Variants in PDK2 observed in about 807,000 individuals in gnomAD.
The protein encoded by PDK2 is pyruvate dehydrogenase kinase 2, also known as pyruvate dehydrogenase kinase, isozyme 2.
A neutral mutation model predicts 50.4 loss-of-function variants in PDK2; 34 were observed. That is an observed-to-expected ratio of 0.68 (90% CI 0.51 to 0.90). PDK2 has a LOEUF of 0.90. Ranked by LOEUF, PDK2 falls within the 40% of genes least tolerant of loss-of-function variation. PDK2 has a pLI of 0.00. For synonymous variants in PDK2, 232 were observed against 216.0 expected (o/e 1.07, Z -0.65); for missense variants, 377 against 544.5 (o/e 0.69, Z 3.06).
chr17:50,109,832 C>A lies in PDK2; in HGVS notation c.1084-125C>A. The A allele has an allele frequency of 9.2e-7, 1 of 1,081,216 alleles. No homozygotes were observed. The highest frequency in any genetic ancestry group is 1.3e-6 in the Non-Finnish European group (1 of 778,078). The allele number at this position is 1,081,216 out of a possible 1,614,324, so 67.0% of individuals were successfully genotyped here. ...GGAGCGGGACACAGGAGGGACCACC[C>A]TTTTGTGGTCTTTCCAGGCCCCCGT... On this transcript the variant is annotated intron_variant, in intron 10 of 10. Transcript: ENST00000503176. This position sits in a 1 kb window ranked among gnomAD's most constrained non-coding sequence, Gnocchi z 5.0.
rs1264898555 is a variant in PDK2 at position 50,111,402 on chromosome 17, G to A, written c.*1305G>A. ...GTGGGCACCCACTATAGCTACTGAT[G>A]GCTTTAAGGATGTGGGTGCCTTCCA... On this transcript the variant is annotated 3_prime_UTR_variant, in exon 11 of 11. Coordinates refer to ENST00000503176, the MANE Select transcript of PDK2 (RefSeq NM_002611.5). 1 of 152,260 alleles carries A rather than the reference G, an allele frequency of 6.6e-6. No homozygotes were observed. Among genetic ancestry groups the A allele is most frequent in the African/African-American group, 2.4e-5 (1 of 41,446 alleles). The allele number at this position is 152,260 out of a possible 1,614,324, so 9.4% of individuals were successfully genotyped here. A position where few individuals can be genotyped will look rare whatever the true frequency, so the allele number is the denominator to read the frequency against.
Position 50,105,874 on chromosome 17 carries a change from C to T in PDK2, c.333-11C>T, listed in dbSNP as rs1910482016. On this transcript the variant is annotated splice_polypyrimidine_tract_variant and intron_variant, in intron 3 of 10. Coordinates refer to ENST00000503176, the MANE Select transcript of PDK2 (RefSeq NM_002611.5). ...GGGGTGTCCCATGTGAACATCTGCC[C>T]TGCCCCACAGGTTCACTGACGCCCT... 2.5e-6 allele frequency: 4 copies of T among 1,612,224 alleles called. No homozygotes were observed. Among genetic ancestry groups the T allele is most frequent in the Non-Finnish European group, 3.4e-6 (4 of 1,179,160 alleles).
chr17:50,109,391 C>A lies in PDK2; in HGVS notation c.1074C>A (p.Ile358=). Residue 358 remains isoleucine (I), a synonymous_variant, in exon 10 of 11, where the codon ATC becomes ATA. Transcript: ENST00000503176. This position sits in a 1 kb window ranked among gnomAD's most constrained non-coding sequence, Gnocchi z 5.0. ...SMEGFGTDAV[I]YLKALSTDSV... ...AAGGCTTTGGGACCGATGCTGTCATCTATCTCAAGGTGAGGGCCCTTCCCG... is the reference window on the plus strand; with the variant it reads ...AAGGCTTTGGGACCGATGCTGTCATATATCTCAAGGTGAGGGCCCTTCCCG... The A allele has an allele frequency of 1.2e-6, 2 of 1,607,944 alleles. No individual in the cohort carries two copies. Among genetic ancestry groups the A allele is most frequent in the Non-Finnish European group, 1.7e-6 (2 of 1,175,216 alleles).
intron 9 of PDK2, 113 bp downstream of exon 9, chr17:50,108,832 C>T (rs1018024619): frequency 4.0e-5 from 28 of 692,338 alleles, no homozygotes; most frequent in Admixed American, 1.2e-4. Context: ...TGACAGTCAC[C>T]TGTCTTGAAT....
Position 50,106,787 on chromosome 17 carries a change from C to T in PDK2, c.518-7C>T. ...CAGCCAACAGCATCCTCCCTTCCTG[C>T]CTGCAGCCCTCATCTTTGATGGCAG... On this transcript the variant is annotated splice_polypyrimidine_tract_variant and splice_region_variant and intron_variant, in intron 4 of 10. Coordinates refer to ENST00000503176, the MANE Select transcript of PDK2 (RefSeq NM_002611.5). The T allele has an allele frequency of 6.2e-7, 1 of 1,613,246 alleles. No individual in the cohort carries two copies. Among genetic ancestry groups the T allele is most frequent in the Non-Finnish European group, 8.5e-7 (1 of 1,179,206 alleles).
chr17:50,102,611 T>G (rs1285270580), intron 2 of PDK2, among the ~76,000 whole-genome samples: 1 of 152,160 alleles, frequency 6.6e-6, no homozygotes, highest in Non-Finnish European at 1.5e-5. Flanking sequence ...GTGCGGGCCC[T>G]CTCTCCCCTA....
chr17:50,095,938 CG>C (rs1909915076), intron 1 of PDK2: 2 of 508,282 alleles, frequency 3.9e-6, no homozygotes, highest in Non-Finnish European at 2.6e-6. Context: ...CAGAGGAAAC[CG>C]GGGGTCTGCT....
rs534294087 is a variant in PDK2 at position 50,105,022 on chromosome 17, G to A, written c.261-349G>A. Reference sequence around the variant, plus strand: ...CTCCCTGCCTTCCCCCACTGCAGGCGCTAGGTCCAGTCTCCCTGCCCCATC... The same window carrying A: ...CTCCCTGCCTTCCCCCACTGCAGGCACTAGGTCCAGTCTCCCTGCCCCATC... On this transcript the variant is annotated intron_variant, in intron 2 of 10. Coordinates refer to ENST00000503176, the MANE Select transcript of PDK2 (RefSeq NM_002611.5). 1.4e-3 allele frequency among the ~76,000 whole-genome samples: 214 copies of A among 152,288 alleles called. 1 individual carries two copies. Among genetic ancestry groups the A allele is most frequent in the Non-Finnish European group, 2.0e-3 (137 of 68,020 alleles).
chr17:50,099,650 G>A (rs1401036613), intron 2 of PDK2, among the ~76,000 whole-genome samples: 2 of 152,160 alleles, frequency 1.3e-5, no homozygotes, highest in Non-Finnish European at 2.9e-5. Flanking sequence ...AAAATTAGCC[G>A]GGCGCGGTGG....
chr17:50,108,502 C>A, intron 8 of PDK2, 85 bp downstream of exon 8: 1 of 1,372,700 alleles, frequency 7.3e-7, no homozygotes, highest in South Asian at 1.2e-5. Context: ...TTTTCTCCTA[C>A]ATGGTGGGCA....
At position 50,105,932 on chromosome 17, in the gene PDK2, T is replaced by C. The variant is rs564083846; in HGVS notation, c.380T>C (p.Val127Ala). Reference sequence around the variant, plus strand: ...ATCCGGAACCGGCACAACGACGTGGTGCCCACCATGGCACAAGGCGTGCTT... The same window carrying C: ...ATCCGGAACCGGCACAACGACGTGGCGCCCACCATGGCACAAGGCGTGCTT... ...VTIRNRHNDV[V>A]PTMAQGVLEY... is the part of the protein sequence containing the mutation. Residue 127 changes from valine to alanine, a missense_variant, in exon 4 of 11, where the codon GTG becomes GCG. Val to Ala is a moderately conservative substitution (Grantham distance 64). Around this residue, in one of 3 missense-constraint regions of PDK2, gnomAD observed 63 missense variants for 135.1 expected, o/e 0.47. Transcript: ENST00000503176. 1.2e-6 allele frequency: 2 copies of C among 1,613,660 alleles called. No individual in the cohort carries two copies. Among genetic ancestry groups the C allele is most frequent in the South Asian group, 2.2e-5 (2 of 90,922 alleles).
intron 7 of PDK2, 31 bp downstream of exon 7, chr17:50,108,263 G>T: frequency 6.2e-7 from 1 of 1,604,326 alleles, no homozygotes; most frequent in Non-Finnish European, 8.5e-7. Context: ...TGCTTTGCGG[G>T]GAGCGTGAGT....
Position 50,109,466 on chromosome 17 carries a change from G to A in PDK2, c.1083+66G>A, listed in dbSNP as rs1910708756. 3.0e-6 allele frequency: 3 copies of A among 1,005,466 alleles called. No individual in the cohort carries two copies. The highest frequency in any genetic ancestry group is 4.4e-6 in the Non-Finnish European group (3 of 678,312). 62.3% of individuals were successfully genotyped at this position (1,005,466 alleles called of 1,614,324 possible). A position where few individuals can be genotyped will look rare whatever the true frequency, so the allele number is the denominator to read the frequency against. On this transcript the variant is annotated intron_variant, in intron 10 of 10. Coordinates refer to ENST00000503176, the MANE Select transcript of PDK2 (RefSeq NM_002611.5). This position sits in a 1 kb window ranked among gnomAD's most constrained non-coding sequence, Gnocchi z 5.0. ...TGCTGATAGGACCTGGGCAGCCTTGGCCAGCTGCGAGCTTTCCTTTCCATC... is the reference window on the plus strand; with the variant it reads ...TGCTGATAGGACCTGGGCAGCCTTGACCAGCTGCGAGCTTTCCTTTCCATC...
At chr17:50,106,629 G>A (rs1157281723) in intron 4 of PDK2, 165 bp from the exon 5 acceptor site, 4 of 646,922 alleles carry the variant, frequency 6.2e-6, no homozygotes, top group Non-Finnish European at 1.1e-5. Context: ...GAGGGGTCAG[G>A]GGTCAGGGAA....
chr17:50,100,875 C>T (rs1345648274), intron 2 of PDK2: 1 of 152,242 alleles, frequency 6.6e-6, no homozygotes, highest in Non-Finnish European at 1.5e-5. Flanking sequence ...AGGAGGGAGC[C>T]TGCACTCTGG....
intron 2 of PDK2, chr17:50,098,876 G>A (rs143021277): frequency 2.2e-4 from 33 of 152,388 alleles, no homozygotes; most frequent in African/African-American, 7.2e-4. Context: ...AGGGTACCTA[G>A]GCAAGCTGAG....
chr17:50,107,165 G>C lies in PDK2; in HGVS notation c.685+12G>C, dbSNP rs184445425. ...CCAGGAGATCAATGGTGAGTGAGCGGGGCTGTGTATGTGTCTGTCTTGGGG... is the reference window on the plus strand; with the variant it reads ...CCAGGAGATCAATGGTGAGTGAGCGCGGCTGTGTATGTGTCTGTCTTGGGG... On this transcript the variant is annotated intron_variant, in intron 6 of 10. Transcript: ENST00000503176. The C allele has an allele frequency of 1.9e-6, 3 of 1,611,970 alleles. No individual in the cohort carries two copies. Among genetic ancestry groups the C allele is most frequent in the African/African-American group, 1.3e-5 (1 of 75,028 alleles).
In PDK2 at chr17:50,101,600, C is replaced by A. The variant is rs1287419380; in HGVS notation, c.261-3771C>A. 2.0e-5 allele frequency among the ~76,000 whole-genome samples: 3 copies of A among 152,166 alleles called. No homozygotes were observed. Among genetic ancestry groups the A allele is most frequent in the Non-Finnish European group, 4.4e-5 (3 of 68,018 alleles). ...ACCCTCGCACACACCCACAGGCATG[C>A]ACATGCCACATGCACACAATTACAC... On this transcript the variant is annotated intron_variant, in intron 2 of 10. Transcript: ENST00000503176. The surrounding 1 kb of genome is among the most constrained non-coding windows in gnomAD (Gnocchi z 4.2).
intron 2 of PDK2, chr17:50,097,820 C>A: frequency 2.4e-6 from 1 of 412,386 alleles, no homozygotes; most frequent in Non-Finnish European, 4.4e-6. Flanking sequence ...CAGGATCCAC[C>A]TAGGAAAGCA....
Sources: allele counts gnomAD v4.1 joint callset (sites outside exome capture counted in the v4.1 genomes callset), GRCh38; gene constraint gnomAD v4.1.1; regional missense constraint gnomAD v4.1.1; non-coding constraint Gnocchi (gnomAD v3.1); transcripts MANE v1.5; gene names NCBI Gene and HGNC (gene_info 2026-07-23, HGNC 2026-07-21).